SARNP: variants seen among roughly 807,000 people sequenced by gnomAD.
SARNP encodes the protein SAP domain-containing ribonucleoprotein.
Under a neutral mutation model 38.1 loss-of-function variants are expected in SARNP, and 5 were observed. The observed-to-expected ratio is 0.13, with a 90% CI of 0.07 to 0.28. SARNP has a LOEUF of 0.28. SARNP is among the 10% of genes least tolerant of loss of function. The probability of loss-of-function intolerance (pLI) is 1.00; values close to 1 mark genes in which losing one functional copy is unlikely to be tolerated. For missense variants in SARNP, 180 were observed against 243.9 expected (o/e 0.74, Z 1.75); for synonymous variants, 84 against 80.6 (o/e 1.04, Z -0.23).
rs1565673497 is a variant in SARNP at position 55,774,558 on chromosome 12, T to TAAAAAAAAAAAAAAAAAAAAAAAAA, written c.502-13919_502-13918insTTTTTTTTTTTTTTTTTTTTTTTTT. On this transcript the variant is annotated intron_variant, in intron 9 of 10. Transcript: ENST00000336133. ...CGACACGGTGAAACCCCGTCTCTAC[T>TAAAAAAAAAAAAAAAAAAAAAAAAA]GAAAAAAAAAAAAAAACAAACAAAA... Among the ~76,000 whole-genome samples, 10 of 40,524 alleles carry TAAAAAAAAAAAAAAAAAAAAAAAAA rather than the reference T, an allele frequency of 2.5e-4. 3 individuals are homozygous for TAAAAAAAAAAAAAAAAAAAAAAAAA. The highest frequency in any genetic ancestry group is 4.5e-4 in the African/African-American group (10 of 22,452). 26.6% of individuals were successfully genotyped at this position (40,524 alleles called of 152,430 possible).
chr12:55,781,671 C>T (rs1333008996), intron 9 of SARNP, among the ~76,000 whole-genome samples: 4 of 152,060 alleles, frequency 2.6e-5, no homozygotes, highest in African/African-American at 9.7e-5. Flanking sequence ...TGAAAATGAT[C>T]ACTGCAGCTA....
In SARNP at chr12:55,757,523, C is replaced by T; in HGVS notation, c.622G>A (p.Gly208Arg). 1.2e-6 allele frequency: 2 copies of T among 1,608,074 alleles called. No individual in the cohort carries two copies. Among genetic ancestry groups the T allele is most frequent in the Non-Finnish European group, 1.7e-6 (2 of 1,178,510 alleles). ...AKKRKRAERF[G>R]IA ...TCAGGAACTTTTCATCAGGCAATCC[C>T]AAAGCGCTCTGCTCTTTTCCTCTTC... The change falls in exon 11 of 11, where the codon GGG becomes AGG. Residue 208 changes from glycine to arginine, a missense_variant. Gly to Arg is a moderately radical substitution (Grantham distance 125). Coordinates refer to ENST00000336133, the MANE Select transcript of SARNP (RefSeq NM_033082.4).
intron 9 of SARNP, among the ~76,000 whole-genome samples, chr12:55,768,101 C>CTCCT (rs1040130571): frequency 2.4e-4 from 37 of 151,940 alleles, no homozygotes; most frequent in African/African-American, 8.5e-4. Flanking sequence ...AACCATCTCC[C>CTCCT]TCCTTCCCTC....
chr12:55,803,485 A>C (rs1354880738), intron 2 of SARNP, 144 bp downstream of exon 2: 9 of 421,890 alleles, frequency 2.1e-5, no homozygotes, highest in Non-Finnish European at 3.0e-5. Flanking sequence ...CTCCATCTCA[A>C]AAAAAAAAAA....
At chr12:55,790,521 T>A (rs183078193) in intron 8 of SARNP, 46 bp downstream of exon 8, 2 of 1,538,784 alleles carry the variant, frequency 1.3e-6, no homozygotes, top group East Asian at 4.7e-5. Flanking sequence ...GTTAGCTATA[T>A]AGAATTAAGA....
At chr12:55,789,571 C>T (rs143282922) in intron 8 of SARNP, among the ~76,000 whole-genome samples, 2 of 152,312 alleles carry the variant, frequency 1.3e-5, no homozygotes, top group African/African-American at 4.8e-5. Flanking sequence ...CAGAAGACAA[C>T]CTATAACTAC....
chr12:55,765,286 GTTCT>G (rs1032698023), intron 9 of SARNP, among the ~76,000 whole-genome samples: 2 of 152,134 alleles, frequency 1.3e-5, no homozygotes, highest in African/African-American at 4.8e-5. Flanking sequence ...GCTTCTCCTG[GTTCT>G]TTATTTGGCT....
intron 9 of SARNP, among the ~76,000 whole-genome samples, chr12:55,769,811 G>C (rs1878952393): frequency 6.6e-6 from 1 of 152,214 alleles, no homozygotes; most frequent in Non-Finnish European, 1.5e-5. Context: ...AATAGGCTTT[G>C]TGTTAGATGA....
intron 10 of SARNP, among the ~76,000 whole-genome samples, chr12:55,759,981 G>T (rs1878625954): frequency 6.6e-6 from 1 of 151,946 alleles, no homozygotes; most frequent in African/African-American, 2.4e-5. Flanking sequence ...CAAGAGATCT[G>T]CCTGCCTCAG....
chr12:55,792,518 CG>C (rs1879701909), intron 7 of SARNP: 1 of 148,858 alleles, frequency 6.7e-6, no homozygotes, highest in Non-Finnish European at 1.5e-5. Flanking sequence ...ATTACAGGCG[CG>C]CAACACCACA....
intron 9 of SARNP, among the ~76,000 whole-genome samples, chr12:55,762,218 C>T (rs1262164303): frequency 1.3e-5 from 2 of 151,782 alleles, no homozygotes; most frequent in Admixed American, 1.3e-4. Flanking sequence ...ACCCAGGAGG[C>T]GGAGGTTACA....
chr12:55,817,534 AAG>A, intron 1 of SARNP, 130 bp downstream of exon 1: 1 of 798,046 alleles, frequency 1.3e-6, no homozygotes, highest in Non-Finnish European at 2.0e-6. Flanking sequence ...GGTGGCACAA[AAG>A]AGCTACGGCG....
intron 7 of SARNP, chr12:55,792,585 T>C (rs1879706578): frequency 7.1e-6 from 1 of 140,086 alleles, no homozygotes; most frequent in African/African-American, 2.6e-5. Context: ...GGTTTCGCCA[T>C]GTTGGCCAGG....
At chr12:55,791,212 G>A (rs1205386277) in intron 7 of SARNP, among the ~76,000 whole-genome samples, 1 of 152,184 alleles carries the variant, frequency 6.6e-6, no homozygotes, top group African/African-American at 2.4e-5. Context: ...ATCTACTAAT[G>A]GGCACAGACT....
At chr12:55,810,092 A>G (rs778158346) in intron 1 of SARNP, among the ~76,000 whole-genome samples, 1 of 152,186 alleles carries the variant, frequency 6.6e-6, no homozygotes, top group African/African-American at 2.4e-5. Flanking sequence ...TTTGACATTA[A>G]TCATGCATTG....
intron 7 of SARNP, 91 bp from the exon 8 acceptor site, chr12:55,790,683 T>C: frequency 8.1e-7 from 1 of 1,239,434 alleles, no homozygotes; most frequent in African/African-American, 1.6e-5. Context: ...AAAAACATCC[T>C]TTATCCTATG....
intron 7 of SARNP, among the ~76,000 whole-genome samples, chr12:55,791,850 T>G (rs1258716638): frequency 6.6e-6 from 1 of 152,242 alleles, no homozygotes; most frequent in Non-Finnish European, 1.5e-5. Flanking sequence ...TTTTAAATGT[T>G]CCCAAATTCC....
intron 9 of SARNP, among the ~76,000 whole-genome samples, chr12:55,780,327 G>A (rs986041000): frequency 6.6e-6 from 1 of 151,976 alleles, no homozygotes; most frequent in African/African-American, 2.4e-5. Flanking sequence ...AGTAGCACAT[G>A]CCCGTAATCC....
intron 9 of SARNP, among the ~76,000 whole-genome samples, chr12:55,767,728 T>A (rs1878881418): frequency 6.6e-6 from 1 of 150,854 alleles, no homozygotes; most frequent in African/African-American, 2.4e-5. Context: ...GCGCCTGTAG[T>A]CCCAGCTACT....
Sources: gnomAD v4.1 joint callset for allele counts (sites outside exome capture counted in the v4.1 genomes callset) on GRCh38, gnomAD v4.1.1 for gene constraint, MANE v1.5 for transcripts, NCBI Gene and HGNC (gene_info 2026-07-23, HGNC 2026-07-21) for gene names.